Variants in PRKG1 observed in about 807,000 individuals in gnomAD.
PRKG1 encodes protein kinase cGMP-dependent 1.
PRKG1 carries 35 observed loss-of-function variants against 88.1 expected under a neutral mutation model. The ratio of observed to expected loss-of-function variants is 0.40; its 90% CI spans 0.30 to 0.53. PRKG1 has a LOEUF of 0.53. PRKG1 is among the 20% of genes least tolerant of loss of function. The probability of loss-of-function intolerance (pLI) is 0.59; values close to 1 mark genes in which losing one functional copy is unlikely to be tolerated. For missense variants in PRKG1, 540 were observed against 839.8 expected, an observed-to-expected ratio of 0.64 and a Z score of 4.41; for synonymous variants, 303 against 292.5, an observed-to-expected ratio of 1.04 and a Z score of -0.37.
At chr10:52,264,760 T>G (rs1441651227) in intron 10 of PRKG1, among the ~76,000 whole-genome samples, 1 of 152,134 alleles carries the variant, frequency 6.6e-6, no homozygotes, top group African/African-American at 2.4e-5. Flanking sequence ...AGAAAGCTAC[T>G]GCTACTTTTT....
intron 9 of PRKG1, among the ~76,000 whole-genome samples, chr10:52,217,020 C>T (rs1840127614): frequency 6.6e-6 from 1 of 152,078 alleles, no homozygotes; most frequent in Admixed American, 6.6e-5. Flanking sequence ...TGCCATTCCA[C>T]TTCCTGTCTG....
chr10:51,350,311 C>T (rs962059812), intron 2 of PRKG1, among the ~76,000 whole-genome samples: 3 of 152,094 alleles, frequency 2.0e-5, no homozygotes, highest in Non-Finnish European at 4.4e-5. Flanking sequence ...GATAAAGGAA[C>T]CCAGAGTACA....
At chr10:51,387,220 T>G (rs1176100015) in intron 2 of PRKG1, among the ~76,000 whole-genome samples, 1 of 151,918 alleles carries the variant, frequency 6.6e-6, no homozygotes, top group Non-Finnish European at 1.5e-5. Context: ...GTGGGAACTG[T>G]GTAGTTCCAC....
chr10:51,148,244 A>G (rs1845986547), intron 1 of PRKG1: 1 of 985,208 alleles, frequency 1.0e-6, no homozygotes, highest in East Asian at 1.1e-4. Flanking sequence ...CCAAATGGAT[A>G]GACAATACTG....
At chr10:51,123,721 C>T (rs1845326090) in intron 1 of PRKG1, among the ~76,000 whole-genome samples, 1 of 151,214 alleles carries the variant, frequency 6.6e-6, no homozygotes, top group African/African-American at 2.4e-5. Flanking sequence ...ACTGGAGGCT[C>T]TGAGACTGGG....
At chr10:51,209,049 AG>A (rs1838142318) in intron 2 of PRKG1, among the ~76,000 whole-genome samples, 1 of 152,168 alleles carries the variant, frequency 6.6e-6, no homozygotes, top group Non-Finnish European at 1.5e-5. Flanking sequence ...ACTAACTAGA[AG>A]CCCCTCCAGC....
intron 3 of PRKG1, chr10:51,698,156 G>T (rs767044550): frequency 8.7e-6 from 14 of 1,614,068 alleles, no homozygotes; most frequent in Non-Finnish European, 1.2e-5. Context: ...TCTTGAACTG[G>T]GGACAGGGCC....
chr10:51,004,414 G>T (rs1842920790), intron 1 of PRKG1, among the ~76,000 whole-genome samples: 1 of 152,160 alleles, frequency 6.6e-6, no homozygotes, highest in South Asian at 2.1e-4. Flanking sequence ...AGCCAAGATT[G>T]TGCCATTGCA....
intron 4 of PRKG1, among the ~76,000 whole-genome samples, chr10:51,867,125 G>A (rs938957872): frequency 1.3e-5 from 2 of 152,164 alleles, no homozygotes; most frequent in Admixed American, 6.5e-5. Context: ...GTACAGAGCA[G>A]AGGAAAAATC....
chr10:52,288,943 A>G lies in PRKG1; in HGVS notation c.1845A>G (p.Ser615=), dbSNP rs1177160264. ...ATTTTATTTTTAGGGACAATCCATC[A>G]GAAAGATTAGGGAATTTGAAAAATG... ...LIKKLCRDNP[S]ERLGNLKNGV... is the part of the protein sequence containing the mutation. Residue 615 remains serine, a synonymous_variant, in exon 16 of 18, where the codon TCA becomes TCG. Coordinates refer to ENST00000373980, the MANE Select transcript of PRKG1 (RefSeq NM_006258.4). 6.8e-6 allele frequency: 11 copies of G among 1,607,102 alleles called. No individual in the cohort carries two copies. The highest frequency in any genetic ancestry group is 2.7e-5 in the African/African-American group (2 of 74,676).
At chr10:51,907,763 C>T in intron 5 of PRKG1, 193 bp downstream of exon 5, 3 of 457,152 alleles carry the variant, frequency 6.6e-6, no homozygotes, top group Non-Finnish European at 1.2e-5. Flanking sequence ...CAGAAAGGTG[C>T]AAATCAACCT....
chr10:52,060,020 A>C (rs1218736949), intron 6 of PRKG1, among the ~76,000 whole-genome samples: 1 of 151,886 alleles, frequency 6.6e-6, no homozygotes. Flanking sequence ...GAGTTGCTAC[A>C]GTAGATATCA....
At chr10:52,165,963 A>G (rs1193049049) in intron 9 of PRKG1, among the ~76,000 whole-genome samples, 1 of 152,198 alleles carries the variant, frequency 6.6e-6, no homozygotes, top group East Asian at 1.9e-4. Flanking sequence ...AGGTGCCCTC[A>G]GTCTGTCTCA....
intron 3 of PRKG1, among the ~76,000 whole-genome samples, chr10:51,722,161 G>A (rs1208956842): frequency 6.6e-6 from 1 of 151,870 alleles, no homozygotes; most frequent in Non-Finnish European, 1.5e-5. Flanking sequence ...CCTGGGAGGC[G>A]GAGGTTGCAG....
At chr10:51,085,518 G>A (rs1472201757) in intron 1 of PRKG1, among the ~76,000 whole-genome samples, 2 of 151,960 alleles carry the variant, frequency 1.3e-5, no homozygotes, top group East Asian at 3.9e-4. Flanking sequence ...CTTCATTCTC[G>A]GTAATTGCTA....
At chr10:51,562,176 A>T (rs771678746) in intron 3 of PRKG1, among the ~76,000 whole-genome samples, 2 of 151,698 alleles carry the variant, frequency 1.3e-5, no homozygotes, top group Admixed American at 1.3e-4. Flanking sequence ...GTGAGCTGAG[A>T]TCACGCCACT....
Position 52,290,545 on chromosome 10 carries a change from A to T in PRKG1, c.1962+255A>T, listed in dbSNP as rs57197814. ...TGATTCAAGTTTCCCTCATTTATGA[A>T]CATAAGTTAATTTTTAGCATGGGAA... is the stretch of plus-strand genomic sequence containing the variant. On this transcript the variant is annotated intron_variant, in intron 17 of 17. Coordinates refer to ENST00000373980, the MANE Select transcript of PRKG1 (RefSeq NM_006258.4). Among the ~76,000 whole-genome samples the T allele has an allele frequency of 0.043, 6,478 of 152,264 alleles. 240 individuals are homozygous for T. Among genetic ancestry groups the T allele is most frequent in the South Asian group, 0.19 (919 of 4,824 alleles).
intron 9 of PRKG1, among the ~76,000 whole-genome samples, chr10:52,245,018 A>G (rs1364922850): frequency 6.7e-6 from 1 of 149,014 alleles, no homozygotes; most frequent in Admixed American, 6.8e-5. Flanking sequence ...AATTTAAAAG[A>G]ATACTTTTTA....
intron 3 of PRKG1, among the ~76,000 whole-genome samples, chr10:51,654,038 T>G (rs561987060): frequency 3.9e-5 from 6 of 152,308 alleles, no homozygotes; most frequent in African/African-American, 1.4e-4. Context: ...GCTTTTTAGT[T>G]TGAGTCTATT....
Sources: allele counts gnomAD v4.1 joint callset (sites outside exome capture counted in the v4.1 genomes callset), GRCh38; gene constraint gnomAD v4.1.1; transcripts MANE v1.5; gene names NCBI Gene and HGNC (gene_info 2026-07-23, HGNC 2026-07-21).